STK38L: variants seen among roughly 807,000 people sequenced by gnomAD.
STK38L encodes the protein serine/threonine-protein kinase 38-like.
Under a neutral mutation model 59.7 loss-of-function variants are expected in STK38L, and 28 were observed. The observed-to-expected ratio is 0.47, with a 90% CI of 0.35 to 0.64. STK38L has a LOEUF of 0.64. Among genes scored for constraint, STK38L ranks in the 30% least tolerant of loss-of-function variants. The probability of loss-of-function intolerance (pLI) is 0.01; values close to 1 mark genes in which losing one functional copy is unlikely to be tolerated. For synonymous variants in STK38L, 162 were observed against 176.8 expected (o/e 0.92, Z 0.66); for missense variants, 314 against 555.8 (o/e 0.56, Z 4.37).
At chr12:27,248,712 T>G (rs1030933179) in intron 1 of STK38L, among the ~76,000 whole-genome samples, 3 of 152,172 alleles carry the variant, frequency 2.0e-5, no homozygotes, top group Non-Finnish European at 4.4e-5. Flanking sequence ...TGGGGTAGGT[T>G]CTAGAAGACA....
At chr12:27,291,284 T>C (rs1166247521) in intron 1 of STK38L, among the ~76,000 whole-genome samples, 3 of 152,196 alleles carry the variant, frequency 2.0e-5, no homozygotes. Context: ...ACTCAGTCTA[T>C]CGGTATGCTT....
chr12:27,310,109 T>C (rs1240952906), intron 5 of STK38L, among the ~76,000 whole-genome samples: 6 of 152,286 alleles, frequency 3.9e-5, no homozygotes, highest in African/African-American at 7.2e-5. Flanking sequence ...GTGAAACCCA[T>C]TGGCATAGCT....
intron 2 of STK38L, among the ~76,000 whole-genome samples, chr12:27,301,539 C>A (rs536844778): frequency 6.6e-6 from 1 of 152,140 alleles, no homozygotes; most frequent in African/African-American, 2.4e-5. Context: ...GGATTACAGG[C>A]GTGAGCCACC....
chr12:27,256,856 C>T (rs1228509573), intron 1 of STK38L, among the ~76,000 whole-genome samples: 1 of 152,144 alleles, frequency 6.6e-6, no homozygotes, highest in Non-Finnish European at 1.5e-5. Flanking sequence ...CTCTTGCCTT[C>T]CTGGTCACTC....
Position 27,272,682 on chromosome 12 carries a change from G to GTA in STK38L, c.-11-25027_-11-25026dup, listed in dbSNP as rs560499027. Among the ~76,000 whole-genome samples, 11 of 152,308 alleles carry GTA rather than the reference G, an allele frequency of 7.2e-5. No homozygotes were observed. In the South Asian group the frequency reaches 2.3e-3, roughly 32 times the overall value. On this transcript the variant is annotated intron_variant, in intron 1 of 13. Transcript: ENST00000389032. ...TCAACAGCCAAATATCTTACAAGAT[G>GTA]TAAGTCACTTAGAAGAAATTATCCC...
rs185237813 is a variant in STK38L, at chr12:27,258,804, G to A, written c.-12+14472G>A. 2.0e-5 allele frequency among the ~76,000 whole-genome samples: 3 copies of A among 151,708 alleles called. No individual in the cohort carries two copies. The East Asian group carries it at 5.8e-4, about 29-fold the overall frequency. ...CTCCTTTTTTTCATTATTCTCTCCA[G>A]GCTCTGGTCATACCTACATTTTGAT... is the stretch of plus-strand genomic sequence containing the variant. On this transcript the variant is annotated intron_variant, in intron 1 of 13. Transcript: ENST00000389032.
At chr12:27,311,562 T>C (rs1000630801) in intron 5 of STK38L, among the ~76,000 whole-genome samples, 2 of 147,730 alleles carry the variant, frequency 1.4e-5, no homozygotes, top group South Asian at 2.1e-4. Flanking sequence ...TGACCAGTTA[T>C]ACCAACCCCA....
At chr12:27,270,200 C>T (rs1943394561) in intron 1 of STK38L, among the ~76,000 whole-genome samples, 1 of 151,948 alleles carries the variant, frequency 6.6e-6, no homozygotes. Flanking sequence ...ATAAGAGATC[C>T]AAATGAATCT....
At chr12:27,252,671 A>T (rs1565521574) in intron 1 of STK38L, among the ~76,000 whole-genome samples, 1 of 152,214 alleles carries the variant, frequency 6.6e-6, no homozygotes, top group African/African-American at 2.4e-5. Context: ...GATGTTCTCC[A>T]TATGTCGACT....
intron 1 of STK38L, among the ~76,000 whole-genome samples, chr12:27,290,282 G>C (rs1471616780): frequency 6.6e-6 from 1 of 152,180 alleles, no homozygotes; most frequent in African/African-American, 2.4e-5. Context: ...TTTGCCTAAA[G>C]TGACACAGCT....
At chr12:27,281,398 GT>G (rs1943654690) in intron 1 of STK38L, among the ~76,000 whole-genome samples, 1 of 151,902 alleles carries the variant, frequency 6.6e-6, no homozygotes, top group Non-Finnish European at 1.5e-5. Context: ...CTTTAGCTTT[GT>G]TTAACTGACT....
intron 1 of STK38L, among the ~76,000 whole-genome samples, chr12:27,267,511 A>G (rs1177853051): frequency 2.0e-5 from 3 of 152,218 alleles, no homozygotes; most frequent in African/African-American, 4.8e-5. Context: ...GTCTCAAGCC[A>G]TCTTCCCACC....
intron 3 of STK38L, among the ~76,000 whole-genome samples, chr12:27,306,889 C>G (rs1249375418): frequency 6.6e-6 from 1 of 152,078 alleles, no homozygotes; most frequent in East Asian, 1.9e-4. Flanking sequence ...TGCCACCACG[C>G]CCGGCTAATT....
intron 1 of STK38L, among the ~76,000 whole-genome samples, chr12:27,272,722 G>A (rs985402721): frequency 3.9e-5 from 6 of 152,102 alleles, no homozygotes; most frequent in Non-Finnish European, 5.9e-5. Flanking sequence ...AATGTGGTTT[G>A]TTTTTAATGT....
At chr12:27,292,283 G>A (rs1943913919) in intron 1 of STK38L, among the ~76,000 whole-genome samples, 1 of 152,162 alleles carries the variant, frequency 6.6e-6, no homozygotes, top group African/African-American at 2.4e-5. Context: ...TCTTAGTTTT[G>A]TATAATTTAA....
At chr12:27,312,982 C>T (rs911865992) in intron 6 of STK38L, among the ~76,000 whole-genome samples, 1 of 152,162 alleles carries the variant, frequency 6.6e-6, no homozygotes, top group South Asian at 2.1e-4. Context: ...GGCGCAGTGG[C>T]TCACGCCTGT....
At chr12:27,320,656 G>A (rs1437095958) in intron 12 of STK38L, among the ~76,000 whole-genome samples, 1 of 151,826 alleles carries the variant, frequency 6.6e-6, no homozygotes, top group Non-Finnish European at 1.5e-5. Context: ...TACTTTACTT[G>A]CGTTTCTCAT....
intron 1 of STK38L, among the ~76,000 whole-genome samples, chr12:27,283,325 G>A (rs1943700474): frequency 6.6e-6 from 1 of 152,174 alleles, no homozygotes; most frequent in Admixed American, 6.5e-5. Context: ...ATGAGTACTT[G>A]ACTGAGTCTT....
At chr12:27,303,260 C>A (rs1944224999) in intron 3 of STK38L, among the ~76,000 whole-genome samples, 1 of 151,882 alleles carries the variant, frequency 6.6e-6, no homozygotes. Context: ...TGCCTGTAGT[C>A]CTAGCTACTT....
Sources: gnomAD v4.1 joint callset for allele counts (sites outside exome capture counted in the v4.1 genomes callset) on GRCh38, gnomAD v4.1.1 for gene constraint, MANE v1.5 for transcripts, NCBI Gene and HGNC (gene_info 2026-07-23, HGNC 2026-07-21) for gene names.